Variants in DDR2 observed in about 807,000 individuals in gnomAD.
The protein encoded by DDR2 is discoidin domain-containing receptor 2.
Under a neutral mutation model 94.9 loss-of-function variants are expected in DDR2, and 27 were observed. The ratio of observed to expected loss-of-function variants is 0.28; its 90% CI spans 0.21 to 0.39. DDR2 has a LOEUF of 0.39. Ranked by LOEUF, DDR2 falls within the 10% of genes least tolerant of loss-of-function variation. The probability of loss-of-function intolerance (pLI) is 1.00; values close to 1 mark genes in which losing one functional copy is unlikely to be tolerated. For synonymous variants in DDR2, 382 were observed against 377.2 expected (o/e 1.01, Z -0.15); for missense variants, 783 against 1,076.0 (o/e 0.73, Z 3.81).
chr1:162,775,644 C>T lies in DDR2; in HGVS notation c.1857-8C>T, dbSNP rs2102195119. 6.2e-7 allele frequency: 1 copy of T among 1,613,782 alleles called. No individual in the cohort carries two copies. The highest frequency in any genetic ancestry group is 8.5e-7 in the Non-Finnish European group (1 of 1,179,906). On this transcript the variant is annotated splice_region_variant and splice_polypyrimidine_tract_variant and intron_variant, in intron 14 of 17. Coordinates refer to ENST00000367921, the MANE Select transcript of DDR2 (RefSeq NM_006182.4). ...TTCTGAGTTTATCTATGTCTGTATC[C>T]TCCCAAGGAATGATTTTCTTAAGGA...
chr1:162,724,945 C>T (rs1661586816), intron 3 of DDR2, among the ~76,000 whole-genome samples: 1 of 152,160 alleles, frequency 6.6e-6, no homozygotes, highest in Non-Finnish European at 1.5e-5. Flanking sequence ...TAGGCTGACG[C>T]CTGAGAGTGG....
intron 3 of DDR2, among the ~76,000 whole-genome samples, chr1:162,737,877 A>G (rs200029247): frequency 0.018 from 2,659 of 148,920 alleles, 54 homozygotes; most frequent in African/African-American, 0.053. Flanking sequence ...GATATCTCAT[A>G]GTGGTTTTGA....
intron 2 of DDR2, among the ~76,000 whole-genome samples, chr1:162,688,693 A>G (rs10799867): frequency 0.82 from 125,035 of 152,226 alleles, 52,353 homozygotes; most frequent in Middle Eastern, 0.93. Flanking sequence ...CGGAGGAGGG[A>G]TGTCTGTGGA....
rs545727480 is a variant in DDR2, at chr1:162,649,344, A to G, written c.-191-5867A>G. On this transcript the variant is annotated intron_variant, in intron 1 of 17. Transcript: ENST00000367921. Reference sequence around the variant, plus strand: ...CCTTGAGAGAAGAGGATGGCACAGCATATATTTAAAGAAATTAGGGACTAG... The same window carrying G: ...CCTTGAGAGAAGAGGATGGCACAGCGTATATTTAAAGAAATTAGGGACTAG... Among the ~76,000 whole-genome samples, 5 of 152,308 alleles carry G rather than the reference A, an allele frequency of 3.3e-5. No individual in the cohort carries two copies. The East Asian group carries it at 9.7e-4, about 29-fold the overall frequency.
At chr1:162,698,929 C>A (rs947793916) in intron 2 of DDR2, among the ~76,000 whole-genome samples, 3 of 152,152 alleles carry the variant, frequency 2.0e-5, no homozygotes, top group African/African-American at 7.2e-5. Flanking sequence ...GATCAGCATG[C>A]CTTCCCTAGT....
intron 2 of DDR2, among the ~76,000 whole-genome samples, chr1:162,708,773 A>G (rs1263534106): frequency 6.6e-6 from 1 of 152,182 alleles, no homozygotes; most frequent in South Asian, 2.1e-4. Context: ...GTTCTTGCCT[A>G]TTTTACTATC....
intron 3 of DDR2, among the ~76,000 whole-genome samples, chr1:162,737,405 G>A (rs889730074): frequency 5.8e-5 from 7 of 120,950 alleles, no homozygotes; most frequent in South Asian, 6.1e-4. Flanking sequence ...GAGAATATGC[G>A]GTGTTTGGGT....
chr1:162,702,142 T>G (rs1312436321), intron 2 of DDR2, among the ~76,000 whole-genome samples: 1 of 152,192 alleles, frequency 6.6e-6, no homozygotes, highest in African/African-American at 2.4e-5. Flanking sequence ...TTCTCCTCTT[T>G]GTCTTATTTT....
intron 2 of DDR2, among the ~76,000 whole-genome samples, chr1:162,659,647 C>T (rs2101917345): frequency 6.6e-6 from 1 of 152,296 alleles, no homozygotes; most frequent in East Asian, 1.9e-4. Flanking sequence ...CGTGCTCTAG[C>T]AGGGAAGGAT....
intron 2 of DDR2, among the ~76,000 whole-genome samples, chr1:162,714,816 T>C (rs6698508): frequency 0.069 from 10,571 of 152,290 alleles, 514 homozygotes; most frequent in Middle Eastern, 0.2. Context: ...TAGCACCTAA[T>C]AGATATTTAC....
chr1:162,716,214 A>C (rs1661161613), intron 2 of DDR2, among the ~76,000 whole-genome samples: 1 of 152,126 alleles, frequency 6.6e-6, no homozygotes, highest in South Asian at 2.1e-4. Flanking sequence ...AAGGTTATGG[A>C]GGGGAGGAAG....
chr1:162,721,966 C>A (rs1474553859), intron 3 of DDR2, among the ~76,000 whole-genome samples: 1 of 152,056 alleles, frequency 6.6e-6, no homozygotes, highest in African/African-American at 2.4e-5. Flanking sequence ...GACTATTGGT[C>A]AATAAGCCTT....
chr1:162,650,457 A>G (rs10917580), intron 1 of DDR2, among the ~76,000 whole-genome samples: 139,113 of 152,058 alleles, frequency 0.91, 64,227 homozygotes, highest in Middle Eastern at 0.98. Flanking sequence ...TTAGCAGGGT[A>G]GGGTGGTGCG....
chr1:162,766,033 C>T lies in DDR2; in HGVS notation c.1132C>T (p.Pro378Ser), dbSNP rs2102169529. ...AAMYNNSEAL[P>S]TSPMAPTTYD... Reference sequence around the variant, plus strand: ...AATGTACAACAACTCTGAAGCCCTGCCCACCTCTCCTATGGCACCCACAAC... The same window carrying T: ...AATGTACAACAACTCTGAAGCCCTGTCCACCTCTCCTATGGCACCCACAAC... Residue 378 changes from proline to serine, a missense_variant, in exon 10 of 18, where the codon CCC (proline) becomes TCC (serine). Transcript: ENST00000367921. 1 of 1,613,842 alleles carries T rather than the reference C, an allele frequency of 6.2e-7. No homozygotes were observed.
chr1:162,741,751 T>G, intron 3 of DDR2: 3 of 985,298 alleles, frequency 3.0e-6, no homozygotes, highest in Non-Finnish European at 3.6e-6. Flanking sequence ...TGGGCTTGGG[T>G]CCTAAATGCC....
chr1:162,750,609 T>A (rs1046991817), intron 3 of DDR2, among the ~76,000 whole-genome samples: 1 of 152,190 alleles, frequency 6.6e-6, no homozygotes, highest in African/African-American at 2.4e-5. Flanking sequence ...CCCATCAAGC[T>A]ACCAATGACT....
At chr1:162,640,032 T>G (rs1657045391) in intron 1 of DDR2, among the ~76,000 whole-genome samples, 1 of 151,984 alleles carries the variant, frequency 6.6e-6, no homozygotes, top group South Asian at 2.1e-4. Context: ...ACAATGTACT[T>G]TGGGTGAAAT....
chr1:162,717,114 C>T (rs1240312163), intron 2 of DDR2, among the ~76,000 whole-genome samples: 1 of 151,942 alleles, frequency 6.6e-6, no homozygotes, highest in Non-Finnish European at 1.5e-5. Flanking sequence ...CGGCTCACTG[C>T]AACCTCCACC....
rs191950263 is a variant in DDR2, at chr1:162,711,846, G to A, written c.-27-7191G>A. Reference sequence around the variant, plus strand: ...TATACACACACATGCACACATGTACGTATATACATATATAATCTATCATGT... The same window carrying A: ...TATACACACACATGCACACATGTACATATATACATATATAATCTATCATGT... On this transcript the variant is annotated intron_variant, in intron 2 of 17. Transcript: ENST00000367921. 1.1e-3 allele frequency among the ~76,000 whole-genome samples: 162 copies of A among 150,752 alleles called. 1 individual carries two copies. The highest frequency in any genetic ancestry group is 3.7e-3 in the African/African-American group (152 of 41,324).
Sources: gnomAD v4.1 joint callset for allele counts (sites outside exome capture counted in the v4.1 genomes callset) on GRCh38, gnomAD v4.1.1 for gene constraint, MANE v1.5 for transcripts, NCBI Gene and HGNC (gene_info 2026-07-23, HGNC 2026-07-21) for gene names.